EPHA5: variants seen among roughly 807,000 people sequenced by gnomAD.
EPHA5 encodes ephrin type-A receptor 5.
In EPHA5, 60 loss-of-function variants were observed where a neutral mutation model predicts 105.0. That is an observed-to-expected ratio of 0.57 (90% confidence interval 0.46 to 0.71). The LOEUF (loss-of-function observed/expected upper bound fraction) is 0.71. Among genes scored for constraint, EPHA5 ranks in the 30% least tolerant of loss-of-function variants. EPHA5 has a pLI of 0.00. For synonymous variants in EPHA5, 513 were observed against 449.1 expected, an observed-to-expected ratio of 1.14 and a Z score of -1.80; for missense variants, 1,218 against 1,274.7, an observed-to-expected ratio of 0.96 and a Z score of 0.68.
At chr4:65,390,647 G>C (rs1406178912) in intron 8 of EPHA5, among the ~76,000 whole-genome samples, 2 of 152,048 alleles carry the variant, frequency 1.3e-5, no homozygotes, top group Non-Finnish European at 2.9e-5. Flanking sequence ...CTTGCAAACA[G>C]GAAGAAATGA....
Position 65,322,216 on chromosome 4 carries a change from T to C in EPHA5, c.*1898A>G, listed in dbSNP as rs1719693209. The C allele has an allele frequency of 4.5e-6, 1 of 223,992 alleles. No homozygotes were observed. Among genetic ancestry groups the C allele is most frequent in the Non-Finnish European group, 8.9e-6 (1 of 112,114 alleles). The allele number at this position is 223,992 out of a possible 1,614,324, so 13.9% of individuals were successfully genotyped here. A position where few individuals can be genotyped will look rare whatever the true frequency, so the allele number is the denominator to read the frequency against. ...TATTTGAAAACTGTTTAGATTTTTG[T>C]TGTGGTTATTTTGATGTTTCCTGGT... On this transcript the variant is annotated 3_prime_UTR_variant, in exon 17 of 17. Coordinates refer to ENST00000613740, the MANE Select transcript of EPHA5 (RefSeq NM_001281766.3).
At chr4:65,344,662 T>C (rs1410200622) in intron 14 of EPHA5, among the ~76,000 whole-genome samples, 3 of 152,058 alleles carry the variant, frequency 2.0e-5, no homozygotes, top group Non-Finnish European at 4.4e-5. Context: ...TTCACAAAAA[T>C]TAAAGGGAAG....
intron 8 of EPHA5, among the ~76,000 whole-genome samples, chr4:65,400,192 A>C (rs1578020021): frequency 6.6e-6 from 1 of 152,158 alleles, no homozygotes; most frequent in South Asian, 2.1e-4. Flanking sequence ...TAAGAGATAA[A>C]CTCTACAAAA....
At chr4:65,522,098 CT>C (rs1734788285) in intron 3 of EPHA5, among the ~76,000 whole-genome samples, 1 of 151,878 alleles carries the variant, frequency 6.6e-6, no homozygotes, top group African/African-American at 2.4e-5. Context: ...TAAGATCTCA[CT>C]GATTAAAATA....
intron 5 of EPHA5, among the ~76,000 whole-genome samples, chr4:65,445,826 ACAATTTCTT>A (rs1484903043): frequency 6.6e-6 from 1 of 152,190 alleles, no homozygotes; most frequent in Non-Finnish European, 1.5e-5. Flanking sequence ...AGCAAAGCTA[ACAATTTCTT>A]CTTTTATCTT....
intron 1 of EPHA5, among the ~76,000 whole-genome samples, chr4:65,669,063 C>CA (rs961349271): frequency 2.0e-5 from 3 of 152,106 alleles, no homozygotes; most frequent in African/African-American, 7.2e-5. Flanking sequence ...GCACTTTCCC[C>CA]AAAAATAAAA....
chr4:65,454,638 C>T (rs1314043640), intron 5 of EPHA5, among the ~76,000 whole-genome samples: 1 of 152,154 alleles, frequency 6.6e-6, no homozygotes, highest in African/African-American at 2.4e-5. Context: ...AAGAGTCCAT[C>T]TGCTTCCACA....
At position 65,408,782 on chromosome 4, in the gene EPHA5, C is replaced by T. The variant is rs1310743249; in HGVS notation, c.1688-4303G>A. Among the ~76,000 whole-genome samples, 182 of 151,658 alleles carry T rather than the reference C, an allele frequency of 1.2e-3. 1 individual carries two copies. The highest frequency in any genetic ancestry group is 0.01 in the Middle Eastern group (3 of 294). On this transcript the variant is annotated intron_variant, in intron 7 of 16. Coordinates refer to ENST00000613740, the MANE Select transcript of EPHA5 (RefSeq NM_001281766.3). Reference sequence around the variant, plus strand: ...TCAACCATTGTGGAAGTCAGTGTGGCGATTCCTCAGGGATCTAGAACTAGA... The same window carrying T: ...TCAACCATTGTGGAAGTCAGTGTGGTGATTCCTCAGGGATCTAGAACTAGA...
At chr4:65,347,966 T>A (rs2148840807) in intron 14 of EPHA5, 88 bp downstream of exon 14, 1 of 1,302,982 alleles carries the variant, frequency 7.7e-7, no homozygotes, top group East Asian at 2.6e-5. Context: ...TAAGCAACTG[T>A]CACTTTCAGA....
intron 8 of EPHA5, among the ~76,000 whole-genome samples, chr4:65,381,525 G>A (rs1719562023): frequency 6.6e-6 from 1 of 151,776 alleles, no homozygotes; most frequent in South Asian, 2.1e-4. Context: ...AAGGCCATGA[G>A]TTTTTAAGTG....
At chr4:65,331,737 C>A in intron 16 of EPHA5, 1 of 1,208,598 alleles carries the variant, frequency 8.3e-7, no homozygotes, top group Non-Finnish European at 1.0e-6. Flanking sequence ...AGCTGTTATT[C>A]CAATTATTCA....
At chr4:65,520,083 CA>C (rs1282617683) in intron 3 of EPHA5, among the ~76,000 whole-genome samples, 3 of 151,982 alleles carry the variant, frequency 2.0e-5, no homozygotes, top group African/African-American at 7.2e-5. Context: ...AATCCTAAGC[CA>C]AAAGAACAAA....
chr4:65,553,775 G>T (rs1406567432), intron 3 of EPHA5, among the ~76,000 whole-genome samples: 1 of 151,958 alleles, frequency 6.6e-6, no homozygotes, highest in Non-Finnish European at 1.5e-5. Flanking sequence ...GACCTCAAGT[G>T]TTTTGAAATA....
rs547690227 is a variant in EPHA5, at chr4:65,643,556, A to T, written c.182-129T>A. On this transcript the variant is annotated intron_variant, in intron 1 of 16. Transcript: ENST00000613740. ...AAATTAAGTGTTCATTATGATGAAT[A>T]CAATGGGTATAATTTAAAGAAAATA... The T allele has an allele frequency of 2.2e-5, 14 of 631,978 alleles. No homozygotes were observed. The African/African-American group carries it at 2.6e-4, about 12-fold the overall frequency. The allele number at this position is 631,978 out of a possible 1,614,324, so 39.1% of individuals were successfully genotyped here. A position where few individuals can be genotyped will look rare whatever the true frequency, so the allele number is the denominator to read the frequency against.
intron 1 of EPHA5, among the ~76,000 whole-genome samples, chr4:65,668,143 G>A (rs1750113585): frequency 1.3e-5 from 2 of 152,152 alleles, no homozygotes; most frequent in Non-Finnish European, 2.9e-5. Context: ...TAAACTTAGA[G>A]GTTAAAGAGA....
chr4:65,520,250 C>T (rs531398141), intron 3 of EPHA5, among the ~76,000 whole-genome samples: 201 of 152,278 alleles, frequency 1.3e-3, no homozygotes, highest in Non-Finnish European at 2.5e-3. Flanking sequence ...TGATCTTTGA[C>T]AAACCTGACA....
At chr4:65,562,449 G>T (rs1253903397) in intron 3 of EPHA5, among the ~76,000 whole-genome samples, 1 of 151,924 alleles carries the variant, frequency 6.6e-6, no homozygotes, top group East Asian at 1.9e-4. Flanking sequence ...GGGGAAAAAA[G>T]ATGCATTTGG....
At chr4:65,604,009 A>G (rs1490114816) in intron 2 of EPHA5, among the ~76,000 whole-genome samples, 1 of 13,456 alleles carries the variant, frequency 7.4e-5, no homozygotes, top group Non-Finnish European at 2.1e-4. Context: ...AATTTACCAT[A>G]ATAAGATTAA....
Position 65,322,156 on chromosome 4 carries a change from T to A in EPHA5, c.*1958A>T, listed in dbSNP as rs1719686927. The A allele has an allele frequency of 4.5e-6, 1 of 224,534 alleles. No homozygotes were observed. 13.9% of individuals were successfully genotyped at this position (224,534 alleles called of 1,614,324 possible). A position where few individuals can be genotyped will look rare whatever the true frequency, so the allele number is the denominator to read the frequency against. ...CAGCACAGTTTGTGTGGACCCATGG[T>A]ATATAGCCCTTATTATTATGAGAAC... is the stretch of plus-strand genomic sequence containing the variant. On this transcript the variant is annotated 3_prime_UTR_variant, in exon 17 of 17. Transcript: ENST00000613740.
Sources: gnomAD v4.1 joint callset for allele counts (sites outside exome capture counted in the v4.1 genomes callset) on GRCh38, gnomAD v4.1.1 for gene constraint, MANE v1.5 for transcripts, NCBI Gene and HGNC (gene_info 2026-07-23, HGNC 2026-07-21) for gene names.